DLG2: variants seen among roughly 807,000 people sequenced by gnomAD.
DLG2 encodes the protein disks large homolog 2.
In DLG2, 45 loss-of-function variants were observed where a neutral mutation model predicts 132.5. The ratio of observed to expected loss-of-function variants is 0.34; its 90% confidence interval spans 0.27 to 0.44. The LOEUF is 0.44. Ranked by LOEUF, DLG2 falls within the 20% of genes least tolerant of loss-of-function variation. DLG2 has a pLI of 1.00. For missense variants in DLG2, 1,045 were observed against 1,196.9 expected (o/e 0.87, Z 1.87); for synonymous variants, 424 against 419.6 (o/e 1.01, Z -0.13).
intron 6 of DLG2, among the ~76,000 whole-genome samples, chr11:84,792,972 C>A (rs2074077603): frequency 6.6e-6 from 1 of 151,908 alleles, no homozygotes; most frequent in African/African-American, 2.4e-5. Context: ...GTTTGGTCTG[C>A]TCTTGCTATT....
rs953309201 is a variant in DLG2, at chr11:85,353,827, G to A, written c.41-68462C>T. On this transcript the variant is annotated intron_variant, in intron 3 of 27. Coordinates refer to ENST00000376104, the MANE Select transcript of DLG2 (RefSeq NM_001142699.3). ...CACAGAGTGGGAAACATCACACACTGGAGCCTGTCATGGGGTGGGAGGAAG... is the reference window on the plus strand; with the variant it reads ...CACAGAGTGGGAAACATCACACACTAGAGCCTGTCATGGGGTGGGAGGAAG... Among the ~76,000 whole-genome samples, 7 of 152,164 alleles carry A rather than the reference G, an allele frequency of 4.6e-5. No homozygotes were observed. In the East Asian group the frequency reaches 1.4e-3, roughly 29 times the overall value.
At chr11:85,212,996 A>G (rs1398891262) in intron 4 of DLG2, among the ~76,000 whole-genome samples, 1 of 152,180 alleles carries the variant, frequency 6.6e-6, no homozygotes, top group Admixed American at 6.6e-5. Context: ...GAGAATACAT[A>G]TCTGATTTAA....
At chr11:85,322,188 T>G (rs1201796787) in intron 3 of DLG2, among the ~76,000 whole-genome samples, 1 of 152,084 alleles carries the variant, frequency 6.6e-6, no homozygotes, top group African/African-American at 2.4e-5. Flanking sequence ...TTGACTCCAG[T>G]GGTACCTCCA....
At chr11:84,890,628 C>A (rs1476378975) in intron 6 of DLG2, 1 of 152,202 alleles carries the variant, frequency 6.6e-6, no homozygotes, top group Non-Finnish European at 1.5e-5. Context: ...AGTTCCCCCA[C>A]CTGCACCCTA....
At chr11:83,893,754 A>C (rs2070713891) in intron 15 of DLG2, among the ~76,000 whole-genome samples, 1 of 152,226 alleles carries the variant, frequency 6.6e-6, no homozygotes, top group Non-Finnish European at 1.5e-5. Flanking sequence ...CCATGATTCC[A>C]GTCAAAAATC....
chr11:83,577,489 T>G (rs146293674), intron 19 of DLG2, among the ~76,000 whole-genome samples: 1,494 of 129,862 alleles, frequency 0.012, 28 homozygotes, highest in African/African-American at 0.046. Flanking sequence ...ATATATTATA[T>G]ATATATATAA....
intron 20 of DLG2, among the ~76,000 whole-genome samples, chr11:83,540,312 C>T (rs114547913): frequency 1.7e-3 from 253 of 152,294 alleles, no homozygotes; most frequent in Middle Eastern, 0.014. Context: ...AAACATGTAA[C>T]CTTTCAGAAA....
chr11:84,919,455 A>T (rs557870096), intron 6 of DLG2, among the ~76,000 whole-genome samples: 96 of 152,284 alleles, frequency 6.3e-4, no homozygotes, highest in Non-Finnish European at 1.1e-3. Flanking sequence ...TTAAAAATAA[A>T]GGAGCAGAAT....
chr11:85,447,120 C>G (rs2092046090), intron 3 of DLG2, among the ~76,000 whole-genome samples: 1 of 152,122 alleles, frequency 6.6e-6, no homozygotes, highest in Non-Finnish European at 1.5e-5. Context: ...ATTTAATTGA[C>G]TAGTTGTATA....
In DLG2 at chr11:84,776,937, G is replaced by A. The variant is rs549506310; in HGVS notation, c.358-242206C>T. Among the ~76,000 whole-genome samples the A allele has an allele frequency of 6.6e-5, 10 of 151,908 alleles. No homozygotes were observed. The East Asian group carries it at 1.2e-3, about 18-fold the overall frequency. ...AATTACTGGGTAGAAGTGTAATTTT[G>A]TTATAAGCATAGATTGTTATAGTGC... On this transcript the variant is annotated intron_variant, in intron 6 of 27. Coordinates refer to ENST00000376104, the MANE Select transcript of DLG2 (RefSeq NM_001142699.3).
At position 84,804,846 on chromosome 11, in the gene DLG2, A is replaced by T. The variant is rs542766227; in HGVS notation, c.358-270115T>A. Among the ~76,000 whole-genome samples, 135 of 152,262 alleles carry T rather than the reference A, an allele frequency of 8.9e-4. 1 individual carries two copies. Among genetic ancestry groups the T allele is most frequent in the African/African-American group, 3.1e-3 (130 of 41,560 alleles). ...GAGGTTCCCCATCCCCCTTGCTCAGACAGTATCAGAAGGAGCCTAGTAGGG... is the reference window on the plus strand; with the variant it reads ...GAGGTTCCCCATCCCCCTTGCTCAGTCAGTATCAGAAGGAGCCTAGTAGGG... On this transcript the variant is annotated intron_variant, in intron 6 of 27. Transcript: ENST00000376104.
At chr11:84,635,330 C>T (rs1387543215) in intron 6 of DLG2, among the ~76,000 whole-genome samples, 2 of 152,108 alleles carry the variant, frequency 1.3e-5, no homozygotes, top group Admixed American at 6.5e-5. Flanking sequence ...AATACTGATG[C>T]CCATTACCAC....
At chr11:84,495,275 T>G (rs1250316559) in intron 7 of DLG2, among the ~76,000 whole-genome samples, 2 of 152,148 alleles carry the variant, frequency 1.3e-5, no homozygotes, top group African/African-American at 4.8e-5. Context: ...GCCTAGATAT[T>G]TGATTAACCT....
intron 7 of DLG2, among the ~76,000 whole-genome samples, chr11:84,454,825 A>G (rs2099061096): frequency 1.3e-5 from 2 of 151,418 alleles, no homozygotes; most frequent in Non-Finnish European, 3.0e-5. Flanking sequence ...TGGTTGATCA[A>G]TGATAGGATG....
intron 19 of DLG2, among the ~76,000 whole-genome samples, chr11:83,615,467 G>C (rs1170824867): frequency 6.6e-6 from 1 of 152,092 alleles, no homozygotes; most frequent in Non-Finnish European, 1.5e-5. Flanking sequence ...ATTGTGGTGG[G>C]CAGAATAACA....
intron 10 of DLG2, among the ~76,000 whole-genome samples, chr11:84,071,887 A>T (rs1293418053): frequency 6.6e-6 from 1 of 152,226 alleles, no homozygotes; most frequent in African/African-American, 2.4e-5. Context: ...AGAGGAAAAG[A>T]GAATCAGAGC....
At chr11:84,359,557 C>G (rs745773607) in intron 7 of DLG2, among the ~76,000 whole-genome samples, 1 of 151,834 alleles carries the variant, frequency 6.6e-6, no homozygotes, top group African/African-American at 2.4e-5. Flanking sequence ...AAAAGTTCAA[C>G]GACTTTCAGA....
chr11:83,981,395 C>A (rs2092764200), intron 11 of DLG2, among the ~76,000 whole-genome samples: 1 of 151,610 alleles, frequency 6.6e-6, no homozygotes, highest in African/African-American at 2.4e-5. Context: ...TAAAAATATT[C>A]TATTGGAAAA....
At chr11:84,899,138 A>G (rs187843806) in intron 6 of DLG2, among the ~76,000 whole-genome samples, 9 of 152,174 alleles carry the variant, frequency 5.9e-5, no homozygotes, top group Non-Finnish European at 8.8e-5. Flanking sequence ...AATAAAACTG[A>G]TATTTCACTG....
Sources: allele counts gnomAD v4.1 joint callset (sites outside exome capture counted in the v4.1 genomes callset), GRCh38; gene constraint gnomAD v4.1.1; transcripts MANE v1.5; gene names NCBI Gene and HGNC (gene_info 2026-07-23, HGNC 2026-07-21).